ANO4: variants seen among roughly 807,000 people sequenced by gnomAD.
The protein encoded by ANO4 is anoctamin-4.
In ANO4, 69 loss-of-function variants were observed where a neutral mutation model predicts 141.9. The observed-to-expected ratio is 0.49, with a 90% CI of 0.40 to 0.59. The LOEUF is 0.59. Ranked by LOEUF, ANO4 falls within the 20% of genes least tolerant of loss-of-function variation. The pLI is 0.00. For missense variants in ANO4, 894 were observed against 1,162.2 expected, an observed-to-expected ratio of 0.77 and a Z score of 3.36; for synonymous variants, 350 against 394.3, an observed-to-expected ratio of 0.89 and a Z score of 1.33.
At chr12:101,088,144 A>G (rs1378608015) in intron 17 of ANO4, among the ~76,000 whole-genome samples, 2 of 152,092 alleles carry the variant, frequency 1.3e-5, no homozygotes, top group Non-Finnish European at 2.9e-5. Context: ...CTCTGACCTC[A>G]TCTTTTCTTT....
chr12:100,925,204 AAATTTTTAG>A (rs1268215803), intron 3 of ANO4, among the ~76,000 whole-genome samples: 2 of 152,132 alleles, frequency 1.3e-5, no homozygotes, highest in Admixed American at 1.3e-4. Context: ...AATATGATCG[AAATTTTTAG>A]CCAGTTCATG....
chr12:100,720,887 T>C (rs545085262), intron 1 of ANO4, among the ~76,000 whole-genome samples: 1 of 152,206 alleles, frequency 6.6e-6, no homozygotes, highest in Non-Finnish European at 1.5e-5. Context: ...GTCAGCCCTA[T>C]ATTCATTTGA....
intron 3 of ANO4, among the ~76,000 whole-genome samples, chr12:100,781,097 CAT>C (rs927470754): frequency 1.3e-5 from 2 of 152,152 alleles, no homozygotes; most frequent in African/African-American, 4.8e-5. Flanking sequence ...AAAATTCTGT[CAT>C]AGCTTTTAAC....
At chr12:101,117,199 T>C (rs1478603200) in intron 25 of ANO4, among the ~76,000 whole-genome samples, 1 of 152,188 alleles carries the variant, frequency 6.6e-6, no homozygotes, top group Non-Finnish European at 1.5e-5. Flanking sequence ...TCACATCACA[T>C]TTCTAAATGT....
intron 1 of ANO4, among the ~76,000 whole-genome samples, chr12:100,873,499 T>A (rs1188106632): frequency 2.0e-5 from 3 of 152,178 alleles, no homozygotes; most frequent in Non-Finnish European, 4.4e-5. Flanking sequence ...GTTGGAGGTA[T>A]CATGCCCCTG....
intron 1 of ANO4, among the ~76,000 whole-genome samples, chr12:100,821,708 C>G (rs2036062695): frequency 6.6e-6 from 1 of 151,970 alleles, no homozygotes; most frequent in Non-Finnish European, 1.5e-5. Flanking sequence ...GTACTCCAGA[C>G]CACAGATGCA....
rs148936842 is a variant in ANO4, at chr12:100,971,464, T to C, written c.557+58T>C. 3.1e-4 allele frequency: 376 copies of C among 1,228,338 alleles called. 7 individuals are homozygous for C. The African/African-American group carries it at 4.6e-3, about 15-fold the overall frequency. The allele number at this position is 1,228,338 out of a possible 1,614,324, so 76.1% of individuals were successfully genotyped here. On this transcript the variant is annotated intron_variant, in intron 6 of 27. Transcript: ENST00000392977. ...TGCTGCTTCACTGTAAATCTAATGTTCTCCTCTCTCAGAACAAATAAAACT... is the reference window on the plus strand; with the variant it reads ...TGCTGCTTCACTGTAAATCTAATGTCCTCCTCTCTCAGAACAAATAAAACT...
intron 14 of ANO4, among the ~76,000 whole-genome samples, chr12:101,063,688 A>G (rs924851842): frequency 7.2e-6 from 1 of 138,162 alleles, no homozygotes; most frequent in Non-Finnish European, 1.5e-5. Flanking sequence ...TTTTCTTTGC[A>G]GGAAGGCTTT....
In ANO4 at chr12:100,851,427, T is replaced by G. The variant is rs998449894; in HGVS notation, c.-140-50219T>G. Among the ~76,000 whole-genome samples the G allele has an allele frequency of 9.2e-5, 14 of 152,312 alleles. No homozygotes were observed. In the East Asian group the frequency reaches 1.9e-3, roughly 21 times the overall value. ...CAGAGATTTTAATGTTCTTTCTATA[T>G]AAACTATATTTCAATGGTCACAGAT... On this transcript the variant is annotated intron_variant, in intron 1 of 27. Transcript: ENST00000392977.
intron 8 of ANO4, among the ~76,000 whole-genome samples, chr12:100,991,152 A>T (rs2045082082): frequency 6.6e-6 from 1 of 152,160 alleles, no homozygotes; most frequent in South Asian, 2.1e-4. Flanking sequence ...AGTGGTGAGG[A>T]TTTATTTCTC....
intron 7 of ANO4, among the ~76,000 whole-genome samples, chr12:100,976,765 A>G (rs901655737): frequency 6.6e-6 from 1 of 152,220 alleles, no homozygotes; most frequent in Admixed American, 6.5e-5. Flanking sequence ...GAAAACAAAA[A>G]CCAATATCAA....
intron 8 of ANO4, among the ~76,000 whole-genome samples, chr12:101,011,517 C>T (rs2046092284): frequency 6.6e-6 from 1 of 152,050 alleles, no homozygotes; most frequent in South Asian, 2.1e-4. Flanking sequence ...GCTACAACTC[C>T]TCAGGTGTAC....
intron 8 of ANO4, among the ~76,000 whole-genome samples, chr12:100,991,284 A>G (rs2045089198): frequency 6.6e-6 from 1 of 152,150 alleles, no homozygotes; most frequent in Admixed American, 6.5e-5. Flanking sequence ...TTCCCTAAGG[A>G]TGTTTTGAGA....
At chr12:100,760,345 G>A (rs1440767712) in intron 3 of ANO4, among the ~76,000 whole-genome samples, 1 of 152,160 alleles carries the variant, frequency 6.6e-6, no homozygotes, top group Non-Finnish European at 1.5e-5. Flanking sequence ...AAAATAGAAA[G>A]CAGAGATGGT....
rs1025691901 is a variant in ANO4, at chr12:101,096,702, G to A, written c.1850+55G>A. The A allele has an allele frequency of 2.3e-5, 31 of 1,367,252 alleles. No homozygotes were observed. The Admixed American group carries it at 2.5e-4, about 11-fold the overall frequency. The allele number at this position is 1,367,252 out of a possible 1,614,324, so 84.7% of individuals were successfully genotyped here. On this transcript the variant is annotated intron_variant, in intron 19 of 27. Transcript: ENST00000392977. The stretch of plus-strand genomic sequence containing the variant: ...AAGCTGAGGACAGAACACTTAGAAG[G>A]CACTGACTCGTGGGGACAGAGAAGC...
intron 7 of ANO4, among the ~76,000 whole-genome samples, chr12:100,982,930 G>A (rs2044546941): frequency 6.6e-6 from 1 of 152,350 alleles, no homozygotes; most frequent in Admixed American, 6.5e-5. Flanking sequence ...AGAGATGAGA[G>A]CACTAAGGTT....
At chr12:100,770,688 CCT>C (rs2033261119) in intron 3 of ANO4, among the ~76,000 whole-genome samples, 1 of 152,050 alleles carries the variant, frequency 6.6e-6, no homozygotes, top group South Asian at 2.1e-4. Flanking sequence ...TATTTAACCC[CCT>C]GTTTCTGGTA....
At chr12:101,039,462 G>A (rs1437488936) in intron 10 of ANO4, among the ~76,000 whole-genome samples, 4 of 152,100 alleles carry the variant, frequency 2.6e-5, no homozygotes, top group African/African-American at 4.8e-5. Flanking sequence ...CTGAGATTGC[G>A]CCACTGCACT....
At position 101,111,300 on chromosome 12, in the gene ANO4, T is replaced by C. The variant is rs576716417; in HGVS notation, c.2303-263T>C. On this transcript the variant is annotated intron_variant, in intron 23 of 27. Coordinates refer to ENST00000392977, the MANE Select transcript of ANO4 (RefSeq NM_001286615.2). The stretch of plus-strand genomic sequence containing the variant: ...TATGTGTGCTGATCCTATCAGATGG[T>C]ATTTTGGTGCCTTATCATTAACCAG... 1.4e-4 allele frequency among the ~76,000 whole-genome samples: 22 copies of C among 152,260 alleles called. No homozygotes were observed. The East Asian group carries it at 3.5e-3, about 24-fold the overall frequency.
Sources: allele counts gnomAD v4.1 joint callset (sites outside exome capture counted in the v4.1 genomes callset), GRCh38; gene constraint gnomAD v4.1.1; transcripts MANE v1.5; gene names NCBI Gene and HGNC (gene_info 2026-07-23, HGNC 2026-07-21).